Variants in CCSER1 observed in about 807,000 individuals in gnomAD.
CCSER1 encodes the protein serine-rich coiled-coil domain-containing protein 1.
Under a neutral mutation model 82.0 loss-of-function variants are expected in CCSER1, and 41 were observed. The observed-to-expected ratio is 0.50, with a 90% CI of 0.39 to 0.65. The LOEUF is 0.65. CCSER1 is among the 30% of genes least tolerant of loss of function. The pLI is 0.00. For synonymous variants in CCSER1, 414 were observed against 383.9 expected (o/e 1.08, Z -0.92); for missense variants, 1,119 against 1,064.2 (o/e 1.05, Z -0.72).
intron 5 of CCSER1, among the ~76,000 whole-genome samples, chr4:90,533,442 A>G (rs1023530821): frequency 1.3e-5 from 2 of 152,156 alleles, no homozygotes; most frequent in Admixed American, 6.5e-5. Flanking sequence ...TGTGCTTCCC[A>G]TAATTCTCTG....
chr4:90,793,470 G>A (rs559705495), intron 7 of CCSER1, among the ~76,000 whole-genome samples: 1 of 151,866 alleles, frequency 6.6e-6, no homozygotes, highest in African/African-American at 2.4e-5. Context: ...GAGGATAATG[G>A]CCTCCATCCA....
chr4:90,222,299 A>T (rs978624438), intron 1 of CCSER1, among the ~76,000 whole-genome samples: 3 of 152,198 alleles, frequency 2.0e-5, no homozygotes, highest in Non-Finnish European at 4.4e-5. Context: ...ACTTCTATCC[A>T]TTCCTATCTT....
chr4:90,127,906 C>A (rs1387988351), intron 1 of CCSER1, 75 bp downstream of exon 1: 4 of 151,876 alleles, frequency 2.6e-5, no homozygotes, highest in Non-Finnish European at 5.9e-5. Context: ...CGGCCGCAGG[C>A]GGACGCGGGG....
chr4:91,514,873 C>T (rs1171982273), intron 10 of CCSER1, among the ~76,000 whole-genome samples: 1 of 152,130 alleles, frequency 6.6e-6, no homozygotes, highest in Non-Finnish European at 1.5e-5. Flanking sequence ...CTCTTTTAAG[C>T]AGAGGAGAAA....
intron 5 of CCSER1, among the ~76,000 whole-genome samples, chr4:90,518,202 C>T (rs1033723426): frequency 6.6e-6 from 1 of 151,974 alleles, no homozygotes; most frequent in Non-Finnish European, 1.5e-5. Context: ...ACAGAGGTGC[C>T]ACCAATTTGG....
At chr4:90,385,761 A>G (rs58105555) in intron 3 of CCSER1, among the ~76,000 whole-genome samples, 49,083 of 151,738 alleles carry the variant, frequency 0.32, 8,114 homozygotes, top group South Asian at 0.4. Context: ...ATTTTTTCAT[A>G]TATTTCTTGG....
chr4:90,467,717 G>T (rs942719445), intron 4 of CCSER1, among the ~76,000 whole-genome samples: 1 of 151,704 alleles, frequency 6.6e-6, no homozygotes, highest in African/African-American at 2.4e-5. Flanking sequence ...AAAAAGAAAA[G>T]AATATGCTCA....
intron 10 of CCSER1, among the ~76,000 whole-genome samples, chr4:91,569,476 C>T (rs934045839): frequency 6.6e-6 from 1 of 152,100 alleles, no homozygotes; most frequent in African/African-American, 2.4e-5. Flanking sequence ...AGACTGAGTA[C>T]TTTATTTAAA....
At chr4:91,055,748 C>G (rs1327317200) in intron 9 of CCSER1, among the ~76,000 whole-genome samples, 1 of 143,982 alleles carries the variant, frequency 6.9e-6, no homozygotes, top group Non-Finnish European at 1.5e-5. Flanking sequence ...CTCTGCCCCT[C>G]TCCCCCTCTC....
chr4:90,781,722 A>T (rs955903414), intron 7 of CCSER1: 1 of 969,200 alleles, frequency 1.0e-6, no homozygotes. Flanking sequence ...TCCCAGTTTT[A>T]TATAGCCATT....
At chr4:90,580,160 T>G (rs1188675116) in intron 5 of CCSER1, among the ~76,000 whole-genome samples, 3 of 152,142 alleles carry the variant, frequency 2.0e-5, no homozygotes, top group Non-Finnish European at 1.5e-5. Context: ...GGGATATATA[T>G]AAATATACAC....
chr4:90,343,903 C>T (rs900377770), intron 3 of CCSER1, among the ~76,000 whole-genome samples: 8 of 152,116 alleles, frequency 5.3e-5, no homozygotes, highest in Admixed American at 2.0e-4. Context: ...CAATTATACT[C>T]TTTTAGTTGT....
intron 5 of CCSER1, among the ~76,000 whole-genome samples, chr4:90,598,820 A>T (rs1327064186): frequency 6.6e-6 from 1 of 152,040 alleles, no homozygotes; most frequent in African/African-American, 2.4e-5. Context: ...AGACATTAGA[A>T]TGGGGAGATG....
rs1262498014 is a variant in CCSER1 at position 90,616,728 on chromosome 4, CACACACACACAAATAAAAT to C, written c.1725-11295_1725-11277del. On this transcript the variant is annotated intron_variant, in intron 5 of 10. Coordinates refer to ENST00000509176, the MANE Select transcript of CCSER1 (RefSeq NM_001145065.2). Reference sequence around the variant, plus strand: ...ACACACACACACACACACACACACACACACACACACAAATAAAATAAAATAAAAGGGAGAGAGAGAAAAA... The same window carrying C: ...ACACACACACACACACACACACACACAAAATAAAAGGGAGAGAGAGAAAAA... Among the ~76,000 whole-genome samples the C allele has an allele frequency of 1.7e-3, 167 of 95,554 alleles. 3 individuals carry two copies. The highest frequency in any genetic ancestry group is 6.6e-3 in the African/African-American group (166 of 25,106). 62.7% of individuals were successfully genotyped at this position (95,554 alleles called of 152,430 possible).
chr4:91,512,234 C>A (rs1759867540), intron 10 of CCSER1, among the ~76,000 whole-genome samples: 1 of 152,156 alleles, frequency 6.6e-6, no homozygotes, highest in South Asian at 2.1e-4. Flanking sequence ...GACACAGACC[C>A]ACCCTCAATC....
intron 9 of CCSER1, among the ~76,000 whole-genome samples, chr4:90,936,941 A>C (rs1731014283): frequency 6.6e-6 from 1 of 152,090 alleles, no homozygotes; most frequent in Non-Finnish European, 1.5e-5. Context: ...CTATTCATTT[A>C]TAAAGTTATG....
At chr4:91,296,021 CT>C (rs1047822694) in intron 10 of CCSER1, among the ~76,000 whole-genome samples, 3 of 151,712 alleles carry the variant, frequency 2.0e-5, no homozygotes, top group African/African-American at 7.3e-5. Flanking sequence ...GATAATGTGG[CT>C]TTTTGAAATG....
intron 3 of CCSER1, among the ~76,000 whole-genome samples, chr4:90,360,491 G>A (rs948220345): frequency 6.7e-6 from 1 of 149,582 alleles, no homozygotes; most frequent in African/African-American, 2.5e-5. Context: ...CAGGAGAATG[G>A]TGTGAACCCG....
chr4:91,306,402 T>C (rs1745076844), intron 10 of CCSER1, among the ~76,000 whole-genome samples: 1 of 152,070 alleles, frequency 6.6e-6, no homozygotes, highest in Admixed American at 6.6e-5. Flanking sequence ...AAAGAATTAG[T>C]ACATTCTGCT....
Sources: allele counts gnomAD v4.1 joint callset (sites outside exome capture counted in the v4.1 genomes callset), GRCh38; gene constraint gnomAD v4.1.1; transcripts MANE v1.5; gene names NCBI Gene and HGNC (gene_info 2026-07-23, HGNC 2026-07-21).